FAM135A: variants seen among roughly 807,000 people sequenced by gnomAD.
The protein encoded by FAM135A is family with sequence similarity 135 member A.
FAM135A carries 79 observed loss-of-function variants against 146.8 expected under a neutral mutation model. The observed-to-expected ratio is 0.54, with a 90% confidence interval of 0.45 to 0.65. FAM135A has a LOEUF of 0.65. FAM135A is among the 30% of genes least tolerant of loss of function. The pLI, the probability that FAM135A is intolerant of heterozygous loss-of-function variation, is 0.00. For missense variants in FAM135A, 1,623 were observed against 1,758.2 expected (o/e 0.92, Z 1.38); for synonymous variants, 562 against 603.6 (o/e 0.93, Z 1.01).
intron 5 of FAM135A, among the ~76,000 whole-genome samples, chr6:70,474,401 G>A (rs1782212831): frequency 6.6e-6 from 1 of 152,224 alleles, no homozygotes; most frequent in South Asian, 2.1e-4. Flanking sequence ...CAAATGGTAA[G>A]GACATAGTCC....
intron 5 of FAM135A, among the ~76,000 whole-genome samples, chr6:70,464,768 G>A (rs2128112242): frequency 7.1e-6 from 1 of 140,658 alleles, no homozygotes; most frequent in Non-Finnish European, 1.5e-5. Flanking sequence ...CCCAGTTCAA[G>A]CGATTCGCCC....
rs1473011211 is a variant in FAM135A, at chr6:70,526,175, A to T, written c.3091A>T (p.Thr1031Ser). Reference sequence around the variant, plus strand: ...TACAAGTGATCCTTTTTCAGCCAGTACTGATATAGTAAAGCAAGGGCTTGT... The same window carrying T: ...TACAAGTGATCCTTTTTCAGCCAGTTCTGATATAGTAAAGCAAGGGCTTGT... ...LGTSDPFSASTDIVKQGLVEN... is the reference protein window; with the variant it reads ...LGTSDPFSASSDIVKQGLVEN... Residue 1031 changes from threonine (T) to serine (S), a missense_variant, in exon 15 of 22, where the codon ACT becomes TCT. Physicochemically the swap from Thr to Ser is moderately conservative, Grantham distance 58. Coordinates refer to ENST00000418814, the MANE Select transcript of FAM135A (RefSeq NM_001162529.3). The T allele has an allele frequency of 6.2e-7, 1 of 1,613,488 alleles. No homozygotes were observed. Among genetic ancestry groups the T allele is most frequent in the South Asian group, 1.1e-5 (1 of 91,010 alleles).
At chr6:70,507,781 A>G (rs1418309744) in intron 12 of FAM135A, among the ~76,000 whole-genome samples, 1 of 152,098 alleles carries the variant, frequency 6.6e-6, no homozygotes, top group Non-Finnish European at 1.5e-5. Flanking sequence ...AATTAAAAAG[A>G]TAAAATATAT....
chr6:70,518,026 A>G (rs1289364331), intron 12 of FAM135A, among the ~76,000 whole-genome samples: 1 of 152,194 alleles, frequency 6.6e-6, no homozygotes, highest in Non-Finnish European at 1.5e-5. Flanking sequence ...GAAGCTCGAG[A>G]TGATTAAGCT....
At chr6:70,489,171 AT>A (rs974925876) in intron 10 of FAM135A, among the ~76,000 whole-genome samples, 1 of 151,960 alleles carries the variant, frequency 6.6e-6, no homozygotes, top group East Asian at 1.9e-4. Context: ...AACTTTACTG[AT>A]TTTTTTTCTG....
intron 16 of FAM135A, among the ~76,000 whole-genome samples, chr6:70,529,167 A>G (rs1196332456): frequency 6.6e-6 from 1 of 152,002 alleles, no homozygotes; most frequent in African/African-American, 2.4e-5. Context: ...CGGTATTTCT[A>G]GAAGTTAAAA....
chr6:70,470,117 C>A (rs772475553), intron 5 of FAM135A, among the ~76,000 whole-genome samples: 64 of 152,112 alleles, frequency 4.2e-4, no homozygotes, highest in Non-Finnish European at 1.8e-4. Context: ...TGAGAGTTGA[C>A]CTTTGGATTT....
At chr6:70,424,420 T>G (rs1436336119) in intron 2 of FAM135A, among the ~76,000 whole-genome samples, 1 of 152,274 alleles carries the variant, frequency 6.6e-6, no homozygotes, top group Non-Finnish European at 1.5e-5. Flanking sequence ...GATGTGGTTC[T>G]TAAGCCTGCC....
At chr6:70,427,198 T>C (rs1332406126) in intron 3 of FAM135A, among the ~76,000 whole-genome samples, 2 of 152,074 alleles carry the variant, frequency 1.3e-5, no homozygotes, top group Non-Finnish European at 2.9e-5. Context: ...CACCCAACAA[T>C]AGGGGATTGT....
chr6:70,539,318 G>A (rs546739059), intron 20 of FAM135A, among the ~76,000 whole-genome samples: 34 of 152,166 alleles, frequency 2.2e-4, no homozygotes, highest in Non-Finnish European at 4.6e-4. Context: ...AAAAAGGCCA[G>A]ATAGTAAGTA....
At chr6:70,505,633 A>G (rs950938172) in intron 12 of FAM135A, among the ~76,000 whole-genome samples, 1 of 152,020 alleles carries the variant, frequency 6.6e-6, no homozygotes, top group African/African-American at 2.4e-5. Context: ...GTATCCTTCA[A>G]TTATCTTTTT....
chr6:70,492,169 G>A (rs1786136018), intron 11 of FAM135A, among the ~76,000 whole-genome samples: 1 of 151,700 alleles, frequency 6.6e-6, no homozygotes, highest in Admixed American at 6.6e-5. Flanking sequence ...AGGAAATAAG[G>A]TAGGATTTCT....
At chr6:70,531,533 T>C (rs372137528) in intron 16 of FAM135A, among the ~76,000 whole-genome samples, 71 of 152,346 alleles carry the variant, frequency 4.7e-4, no homozygotes, top group African/African-American at 1.7e-3. Flanking sequence ...AATTTTTCAG[T>C]CAGAATTCTG....
intron 4 of FAM135A, among the ~76,000 whole-genome samples, chr6:70,442,392 C>T (rs1221100430): frequency 2.0e-5 from 3 of 151,914 alleles, no homozygotes; most frequent in Non-Finnish European, 4.4e-5. Context: ...TAGGGATTGA[C>T]ATTTTCTTTG....
chr6:70,519,590 C>G (rs1385323868), intron 12 of FAM135A, among the ~76,000 whole-genome samples: 3 of 152,204 alleles, frequency 2.0e-5, no homozygotes, highest in East Asian at 3.9e-4. Context: ...TGCAGCCACC[C>G]TGATCAGCAG....
chr6:70,439,537 C>A (rs1397147219), intron 4 of FAM135A, among the ~76,000 whole-genome samples: 1 of 151,984 alleles, frequency 6.6e-6, no homozygotes, highest in Non-Finnish European at 1.5e-5. Context: ...TGGGATTTAT[C>A]TTTTTCATTT....
chr6:70,424,550 G>A (rs1769595227), intron 2 of FAM135A, among the ~76,000 whole-genome samples: 1 of 152,128 alleles, frequency 6.6e-6, no homozygotes, highest in Admixed American at 6.5e-5. Context: ...AAGTATTGGT[G>A]GGATAGCAGC....
intron 11 of FAM135A, among the ~76,000 whole-genome samples, chr6:70,497,311 G>A (rs1582556075): frequency 6.6e-6 from 1 of 152,242 alleles, no homozygotes; most frequent in East Asian, 1.9e-4. Flanking sequence ...TATTATTGGT[G>A]TATAGGAATG....
At chr6:70,496,506 T>C (rs1202474044) in intron 11 of FAM135A, among the ~76,000 whole-genome samples, 1 of 152,226 alleles carries the variant, frequency 6.6e-6, no homozygotes, top group Non-Finnish European at 1.5e-5. Context: ...TTTAGTTTAA[T>C]TAGATCCCAT....
Sources: allele counts gnomAD v4.1 joint callset (sites outside exome capture counted in the v4.1 genomes callset), GRCh38; gene constraint gnomAD v4.1.1; transcripts MANE v1.5; gene names NCBI Gene and HGNC (gene_info 2026-07-23, HGNC 2026-07-21).